The following CNPY1 variants were observed in gnomAD, a reference collection of about 807,000 sequenced individuals.
CNPY1 encodes the protein canopy FGF signaling regulator 1, also known as protein canopy homolog 1.
Under a neutral mutation model 14.4 loss-of-function variants are expected in CNPY1, and 14 were observed. That is an observed-to-expected ratio of 0.97 (90% CI 0.64 to 1.52). CNPY1 has a LOEUF of 1.52. CNPY1 is among the 40% of genes most tolerant of loss of function. The pLI, the probability that CNPY1 is intolerant of heterozygous loss-of-function variation, is 0.00. For synonymous variants in CNPY1, 43 were observed against 46.5 expected (o/e 0.92, Z 0.31); for missense variants, 129 against 131.5 (o/e 0.98, Z 0.09).
rs1216980760 is a variant in CNPY1 at position 155,536,742 on chromosome 7, C to T, written c.99+9089G>A. On this transcript the variant is annotated intron_variant, in intron 2 of 4. Transcript: ENST00000636446. The surrounding 1 kb of genome is among the most constrained non-coding windows in gnomAD (Gnocchi z 4.1). ...CCCTGAATGACCAAGTGGAGCAGAG[C>T]CCCGTGCCAACCCACACTAGACTAC... Among the ~76,000 whole-genome samples, 1 of 152,186 alleles carries T rather than the reference C, an allele frequency of 6.6e-6. No homozygotes were observed. The highest frequency in any genetic ancestry group is 1.5e-5 in the Non-Finnish European group (1 of 68,032).
At chr7:155,517,869 C>T (rs112375735) in intron 2 of CNPY1, among the ~76,000 whole-genome samples, 4 of 152,224 alleles carry the variant, frequency 2.6e-5, no homozygotes, top group South Asian at 2.1e-4. Context: ...ACATTTGATG[C>T]GATACAGAAA....
At chr7:155,508,039 C>T (rs903061562) in intron 3 of CNPY1, among the ~76,000 whole-genome samples, 2 of 152,204 alleles carry the variant, frequency 1.3e-5, no homozygotes, top group African/African-American at 4.8e-5. Context: ...ATTGCCTTTA[C>T]TTTCTAGTTA....
At chr7:155,508,149 G>C (rs888226960) in intron 3 of CNPY1, among the ~76,000 whole-genome samples, 2 of 152,154 alleles carry the variant, frequency 1.3e-5, no homozygotes, top group African/African-American at 2.4e-5. Flanking sequence ...TTTAAAACAG[G>C]ACTGCCCATC....
chr7:155,534,743 C>T (rs1021600098), intron 2 of CNPY1, among the ~76,000 whole-genome samples: 5 of 152,204 alleles, frequency 3.3e-5, no homozygotes, highest in Admixed American at 1.3e-4. Flanking sequence ...AATGGGACTC[C>T]GGCCTCCGGT....
At chr7:155,538,433 G>C (rs745607226) in intron 2 of CNPY1, among the ~76,000 whole-genome samples, 4 of 152,172 alleles carry the variant, frequency 2.6e-5, no homozygotes, top group Non-Finnish European at 4.4e-5. Context: ...CTTCACCCGC[G>C]TGTGACCCTG....
intron 2 of CNPY1, among the ~76,000 whole-genome samples, chr7:155,529,014 T>G (rs1585326178): frequency 6.7e-6 from 1 of 150,306 alleles, no homozygotes; most frequent in Non-Finnish European, 1.5e-5. Flanking sequence ...TGAGCAGAGA[T>G]CGCGCCACTG....
At chr7:155,522,198 G>A (rs951163720) in intron 2 of CNPY1, among the ~76,000 whole-genome samples, 1 of 152,250 alleles carries the variant, frequency 6.6e-6, no homozygotes, top group African/African-American at 2.4e-5. Flanking sequence ...CCATGAATGG[G>A]GCTTTGCACA....
chr7:155,518,063 G>A (rs900241011), intron 2 of CNPY1, among the ~76,000 whole-genome samples: 3 of 152,104 alleles, frequency 2.0e-5, no homozygotes, highest in Non-Finnish European at 4.4e-5. Context: ...TCACACCAGC[G>A]GGCATTGAAG....
intron 2 of CNPY1, among the ~76,000 whole-genome samples, chr7:155,528,853 G>T (rs1386678404): frequency 1.3e-5 from 2 of 152,166 alleles, no homozygotes; most frequent in East Asian, 3.9e-4. Context: ...GAGGTCAGGA[G>T]ATCAAGACCA....
intron 2 of CNPY1, among the ~76,000 whole-genome samples, chr7:155,545,423 C>A (rs1002029): frequency 0.53 from 79,870 of 152,020 alleles, 21,179 homozygotes; most frequent in Middle Eastern, 0.64. Flanking sequence ...GTGCGTCTTA[C>A]AACCTGCACC....
intron 2 of CNPY1, among the ~76,000 whole-genome samples, chr7:155,522,649 C>T (rs1342385846): frequency 2.6e-5 from 4 of 152,162 alleles, no homozygotes; most frequent in African/African-American, 9.7e-5. Flanking sequence ...AGGGGGTGAG[C>T]ACCTCGTCTT....
chr7:155,539,637 C>G (rs1932167167), intron 2 of CNPY1, among the ~76,000 whole-genome samples: 1 of 152,172 alleles, frequency 6.6e-6, no homozygotes, highest in Non-Finnish European at 1.5e-5. Context: ...GAAAGCTTCC[C>G]TTCTGCTCCC....
intron 2 of CNPY1, among the ~76,000 whole-genome samples, chr7:155,544,130 G>A (rs1377299648): frequency 6.6e-6 from 1 of 152,180 alleles, no homozygotes; most frequent in African/African-American, 2.4e-5. Flanking sequence ...AGGATGCAGT[G>A]TGAATTTGAG....
intron 2 of CNPY1, among the ~76,000 whole-genome samples, chr7:155,520,313 T>C (rs190098805): frequency 2.3e-4 from 35 of 152,248 alleles, no homozygotes; most frequent in East Asian, 2.1e-3. Context: ...GGACAGATAG[T>C]GTGAGCTTCG....
rs1239044392 is a variant in CNPY1 at position 155,501,983 on chromosome 7, G to C, written c.*1085C>G. 3 of 77,020 alleles carry C rather than the reference G, an allele frequency of 3.9e-5. No homozygotes were observed. The highest frequency in any genetic ancestry group is 7.3e-5 in the Non-Finnish European group (3 of 41,188). 4.8% of individuals were successfully genotyped at this position (77,020 alleles called of 1,614,324 possible). On this transcript the variant is annotated 3_prime_UTR_variant, in exon 5 of 5. Coordinates refer to ENST00000636446, the MANE Select transcript of CNPY1 (RefSeq NM_001393663.1). Reference sequence around the variant, plus strand: ...AGCAACTAAGTAACAATATGGCAAAGAGTTTTGGGTCGGGGGGGTTGGGGG... The same window carrying C: ...AGCAACTAAGTAACAATATGGCAAACAGTTTTGGGTCGGGGGGGTTGGGGG...
intron 2 of CNPY1, among the ~76,000 whole-genome samples, chr7:155,521,635 T>A (rs911149641): frequency 7.9e-5 from 12 of 152,246 alleles, no homozygotes; most frequent in Non-Finnish European, 1.6e-4. Flanking sequence ...GATTGGTTTT[T>A]ACATTTATAA....
chr7:155,527,741 G>A (rs1318232736), intron 2 of CNPY1, among the ~76,000 whole-genome samples: 1 of 151,916 alleles, frequency 6.6e-6, no homozygotes, highest in African/African-American at 2.4e-5. Flanking sequence ...GCTGAGCCAC[G>A]GCAGCTGGCC....
chr7:155,541,805 A>G (rs6972206), intron 2 of CNPY1, among the ~76,000 whole-genome samples: 108,963 of 152,042 alleles, frequency 0.72, 39,187 homozygotes, highest in Middle Eastern at 0.8. Flanking sequence ...CCAGCCTCGC[A>G]CCAGCCTCTA....
intron 4 of CNPY1, among the ~76,000 whole-genome samples, chr7:155,506,006 T>C (rs1796294835): frequency 1.3e-5 from 2 of 152,338 alleles, no homozygotes; most frequent in South Asian, 4.1e-4. Flanking sequence ...AACAAAACTT[T>C]ACCTGTTCTG....
Sources: allele counts gnomAD v4.1 joint callset (sites outside exome capture counted in the v4.1 genomes callset), GRCh38; gene constraint gnomAD v4.1.1; non-coding constraint Gnocchi (gnomAD v3.1); transcripts MANE v1.5; gene names NCBI Gene and HGNC (gene_info 2026-07-23, HGNC 2026-07-21).